The following ZNF33B variants were observed in gnomAD, a reference collection of about 807,000 sequenced individuals.
The protein encoded by ZNF33B is zinc finger protein 33B.
A neutral mutation model predicts 45.8 loss-of-function variants in ZNF33B; 29 were observed. That is an observed-to-expected ratio of 0.63 (90% CI 0.47 to 0.86). The LOEUF (loss-of-function observed/expected upper bound fraction) is 0.86, where lower values mean the gene tolerates loss of function less well. Among genes scored for constraint, ZNF33B ranks in the 40% least tolerant of loss-of-function variants. ZNF33B has a pLI of 0.00. For synonymous variants in ZNF33B, 305 were observed against 307.8 expected (o/e 0.99, Z 0.10); for missense variants, 831 against 909.9 (o/e 0.91, Z 1.12).
At chr10:42,608,888 A>C (rs1330071823) in intron 4 of ZNF33B, among the ~76,000 whole-genome samples, 1 of 152,100 alleles carries the variant, frequency 6.6e-6, no homozygotes, top group Non-Finnish European at 1.5e-5. Context: ...ATGGAAAAAA[A>C]AAAAAAGAAG....
intron 4 of ZNF33B, among the ~76,000 whole-genome samples, chr10:42,615,700 G>A (rs2132109403): frequency 6.6e-6 from 1 of 152,318 alleles, no homozygotes; most frequent in Non-Finnish European, 1.5e-5. Flanking sequence ...TATGCAGGCA[G>A]ATCACTTGAG....
chr10:42,615,646 G>A (rs1372505327), intron 4 of ZNF33B, among the ~76,000 whole-genome samples: 2 of 152,224 alleles, frequency 1.3e-5, no homozygotes, highest in Non-Finnish European at 2.9e-5. Context: ...ATTGTCGGCT[G>A]GGTGCAGTGC....
At chr10:42,637,947 A>T (rs1169464252) in intron 1 of ZNF33B, among the ~76,000 whole-genome samples, 1 of 152,204 alleles carries the variant, frequency 6.6e-6, no homozygotes, top group Non-Finnish European at 1.5e-5. Context: ...CCACCGCGCT[A>T]GGCCAAAATT....
At position 42,575,896 on chromosome 10, in the gene ZNF33B, A is replaced by ATT. The variant is rs541149231; in HGVS notation, c.74-1220_74-1219dup. The stretch of plus-strand genomic sequence containing the variant: ...AGACAAGCGCCACCACGCCTGGCTA[A>ATT]TTTTTTTTTTTTTGAGATGAAGTCT... On this transcript the variant is annotated intron_variant, in intron 1 of 1. Coordinates refer to the ZNF33B transcript ENST00000462075. Among the ~76,000 whole-genome samples the ATT allele has an allele frequency of 1.2e-3, 170 of 143,518 alleles. 1 individual carries two copies. Among genetic ancestry groups the ATT allele is most frequent in the African/African-American group, 4.0e-3 (156 of 39,094 alleles). 94.2% of individuals were successfully genotyped at this position (143,518 alleles called of 152,430 possible). A position where few individuals can be genotyped will look rare whatever the true frequency, so the allele number is the denominator to read the frequency against.
In ZNF33B at chr10:42,591,811, G is replaced by A. The variant is rs1837136011; in HGVS notation, c.*802C>T. On this transcript the variant is annotated 3_prime_UTR_variant, in exon 5 of 5. Coordinates refer to ENST00000359467, the MANE Select transcript of ZNF33B (RefSeq NM_006955.3). ...TATTAATACAACAAGGGAACTACTT[G>A]AGGCTAAATCCTGATTCCTTTGTAA... 6.5e-6 allele frequency: 1 copy of A among 154,214 alleles called. No homozygotes were observed. The highest frequency in any genetic ancestry group is 2.4e-5 in the African/African-American group (1 of 41,444). The allele number at this position is 154,214 out of a possible 1,614,324, so 9.6% of individuals were successfully genotyped here.
At chr10:42,626,897 A>G (rs1344101948) in intron 4 of ZNF33B, among the ~76,000 whole-genome samples, 1 of 152,078 alleles carries the variant, frequency 6.6e-6, no homozygotes, top group Non-Finnish European at 1.5e-5. Context: ...AAATTAAGTC[A>G]ACTTTTATGA....
intron 2 of ZNF33B, among the ~76,000 whole-genome samples, chr10:42,635,358 A>T (rs1839243547): frequency 6.6e-6 from 1 of 152,060 alleles, no homozygotes; most frequent in Non-Finnish European, 1.5e-5. Context: ...TGAGTGAATG[A>T]GCAGGGAGGT....
chr10:42,627,247 G>A (rs532625946), intron 4 of ZNF33B, among the ~76,000 whole-genome samples: 9 of 152,180 alleles, frequency 5.9e-5, no homozygotes, highest in South Asian at 4.1e-4. Context: ...CAGGTGATCC[G>A]CCTGCCTTGG....
rs1259740409 is a variant in ZNF33B, at chr10:42,601,932, G to GT, written c.251-7234_251-7233insA. On this transcript the variant is annotated intron_variant, in intron 4 of 4. Transcript: ENST00000359467. ...TCTTTTTTTTTTTTTTTTTTTTTTG[G>GT]GGGGAGACAGGGTCTCACTCCATCA... 2.2e-4 allele frequency among the ~76,000 whole-genome samples: 22 copies of GT among 100,976 alleles called. No individual in the cohort carries two copies. The East Asian group carries it at 5.5e-3, about 25-fold the overall frequency. 66.2% of individuals were successfully genotyped at this position (100,976 alleles called of 152,430 possible).
chr10:42,597,101 G>A (rs1341652397), intron 4 of ZNF33B, among the ~76,000 whole-genome samples: 1 of 151,958 alleles, frequency 6.6e-6, no homozygotes, highest in African/African-American at 2.4e-5. Context: ...CTTCATTTGA[G>A]AGTTTTAATC....
chr10:42,622,865 C>T (rs2132132410), intron 4 of ZNF33B, among the ~76,000 whole-genome samples: 1 of 152,192 alleles, frequency 6.6e-6, no homozygotes, highest in African/African-American at 2.4e-5. Context: ...AAAATAAGAG[C>T]TAAAACAATA....
At chr10:42,596,744 T>C (rs1379353947) in intron 4 of ZNF33B, among the ~76,000 whole-genome samples, 1 of 152,124 alleles carries the variant, frequency 6.6e-6, no homozygotes, top group African/African-American at 2.4e-5. Flanking sequence ...CAATTGATCA[T>C]TTCTTATAGA....
At chr10:42,617,757 T>C (rs1838389913) in intron 4 of ZNF33B, among the ~76,000 whole-genome samples, 1 of 152,172 alleles carries the variant, frequency 6.6e-6, no homozygotes, top group African/African-American at 2.4e-5. Context: ...TCCATCTCTA[T>C]GCTGTCATTT....
At position 42,589,581 on chromosome 10, in the gene ZNF33B, T is replaced by C. The variant is rs977525216; in HGVS notation, c.*3032A>G. ...TTTCAGATTGGTTTTCACTTAACAA[T>C]AAGCATTTAGGGTTCCTATATGTCT... On this transcript the variant is annotated 3_prime_UTR_variant, in exon 5 of 5. Coordinates refer to ENST00000359467, the MANE Select transcript of ZNF33B (RefSeq NM_006955.3). The C allele has an allele frequency of 1.1e-4, 17 of 152,220 alleles. No homozygotes were observed. Among genetic ancestry groups the C allele is most frequent in the African/African-American group, 4.1e-4 (17 of 41,460 alleles). The allele number at this position is 152,220 out of a possible 1,614,324, so 9.4% of individuals were successfully genotyped here.
chr10:42,615,666 A>G (rs1489789518), intron 4 of ZNF33B, among the ~76,000 whole-genome samples: 1 of 151,920 alleles, frequency 6.6e-6, no homozygotes, highest in Non-Finnish European at 1.5e-5. Context: ...CCTCACGCCT[A>G]TAATCCTGGC....
intron 4 of ZNF33B, among the ~76,000 whole-genome samples, chr10:42,618,016 C>A (rs1838402111): frequency 6.6e-6 from 1 of 152,154 alleles, no homozygotes; most frequent in South Asian, 2.1e-4. Context: ...CCATTCTTCT[C>A]CCTTCTTTCT....
chr10:42,598,302 C>T (rs888751766), intron 4 of ZNF33B, among the ~76,000 whole-genome samples: 10 of 152,228 alleles, frequency 6.6e-5, no homozygotes, highest in African/African-American at 2.2e-4. Flanking sequence ...CTAAGAATGG[C>T]AGAGGGACAG....
At position 42,591,968 on chromosome 10, in the gene ZNF33B, C is replaced by T. The variant is rs210283; in HGVS notation, c.*645G>A. On this transcript the variant is annotated 3_prime_UTR_variant, in exon 5 of 5. Coordinates refer to ENST00000359467, the MANE Select transcript of ZNF33B (RefSeq NM_006955.3). Reference sequence around the variant, plus strand: ...CATACACGTACACACACAGAGTGCACGCAAACCATAGCAAAATCTGAGTAA... The same window carrying T: ...CATACACGTACACACACAGAGTGCATGCAAACCATAGCAAAATCTGAGTAA... The T allele has an allele frequency of 0.055, 8,412 of 152,752 alleles. 324 individuals are homozygous for T. The highest frequency in any genetic ancestry group is 0.08 in the Non-Finnish European group (5,492 of 68,328). The allele number at this position is 152,752 out of a possible 1,614,324, so 9.5% of individuals were successfully genotyped here.
At chr10:42,579,580 C>A (rs1836796285) in intron 1 of ZNF33B, 1 of 152,220 alleles carries the variant, frequency 6.6e-6, no homozygotes, top group Non-Finnish European at 1.5e-5. Context: ...CCAAAAAGTA[C>A]AAACACAGAG....
Sources: gnomAD v4.1 joint callset for allele counts (sites outside exome capture counted in the v4.1 genomes callset) on GRCh38, gnomAD v4.1.1 for gene constraint, MANE v1.5 for transcripts, NCBI Gene and HGNC (gene_info 2026-07-23, HGNC 2026-07-21) for gene names.